Variants in PCDHGA6 observed in about 807,000 individuals in gnomAD.
PCDHGA6 encodes the protein protocadherin gamma subfamily A, 6.
In PCDHGA6, 41 loss-of-function variants were observed where a neutral mutation model predicts 60.6. The ratio of observed to expected loss-of-function variants is 0.68; its 90% confidence interval spans 0.53 to 0.88. The LOEUF (loss-of-function observed/expected upper bound fraction) is 0.88, where lower values mean the gene tolerates loss of function less well. Among genes scored for constraint, PCDHGA6 ranks in the 40% least tolerant of loss-of-function variants. The pLI is 0.00. For synonymous variants in PCDHGA6, 594 were observed against 524.4 expected (o/e 1.13, Z -1.81); for missense variants, 1,312 against 1,203.0 (o/e 1.09, Z -1.34).
At chr5:141,449,467 C>G (rs1356192128) in intron 1 of PCDHGA6, among the ~76,000 whole-genome samples, 1 of 150,842 alleles carries the variant, frequency 6.6e-6, no homozygotes, top group South Asian at 2.1e-4. Flanking sequence ...ATTAGCCAGG[C>G]CTGGTACCCC....
At position 141,399,393 on chromosome 5, in the gene PCDHGA6, C is replaced by G. The variant is rs762678347; in HGVS notation, c.2424+22886C>G. 28 of 1,613,976 alleles carry G rather than the reference C, an allele frequency of 1.7e-5. No homozygotes were observed. In the Middle Eastern group the frequency reaches 2.8e-3, roughly 162 times the overall value. ...ACAATGTCACCATCACAGCCACAGA[C>G]AGGGGCAAGCCGCCCCTCTCCTCCA... On this transcript the variant is annotated intron_variant, in intron 1 of 3. Transcript: ENST00000517434.
rs1362496624 is a variant in PCDHGA6, at chr5:141,432,370, C to T, written c.2424+55863C>T. On this transcript the variant is annotated intron_variant, in intron 1 of 3. Coordinates refer to ENST00000517434, the MANE Select transcript of PCDHGA6 (RefSeq NM_018919.3). This position sits in a 1 kb window ranked among gnomAD's most constrained non-coding sequence, Gnocchi z 6.0. ...AAGTGAAAGTGATGGCGCGGGACAA[C>T]GGGCACCCGCCCCTCAGCAGCAACG... The T allele has an allele frequency of 6.2e-7, 1 of 1,614,240 alleles. No individual in the cohort carries two copies. Among genetic ancestry groups the T allele is most frequent in the Non-Finnish European group, 8.5e-7 (1 of 1,180,048 alleles).
chr5:141,442,796 T>G (rs909745554), intron 1 of PCDHGA6, among the ~76,000 whole-genome samples: 16 of 152,326 alleles, frequency 1.1e-4, no homozygotes, highest in African/African-American at 3.8e-4. Context: ...AATTTTACTT[T>G]GATATTCAAA....
chr5:141,454,796 ATTTTTTTTTTTTTTTTTT>A (rs61612330), intron 1 of PCDHGA6, among the ~76,000 whole-genome samples: 1 of 77,408 alleles, frequency 1.3e-5, no homozygotes, highest in Non-Finnish European at 2.3e-5. Flanking sequence ...CATGGTTCTA[ATTTTTTTTTTTTTTTTTT>A]TTTTTTTTTT....
In PCDHGA6 at chr5:141,493,145, AG is replaced by A. The variant is rs11350413; in HGVS notation, c.2425-1660del. Among the ~76,000 whole-genome samples the A allele has an allele frequency of 0.17, 26,475 of 152,128 alleles. 2,528 individuals carry two copies. The highest frequency in any genetic ancestry group is 0.28 in the Admixed American group (4,206 of 15,272). ...TAGGACTGTATTTTGAAACACCCCC[AG>A]GTGATTTTGATAGCTGATTGAGAGA... is the stretch of plus-strand genomic sequence containing the variant. On this transcript the variant is annotated intron_variant, in intron 1 of 3. Transcript: ENST00000517434. The surrounding 1 kb of genome is among the most constrained non-coding windows in gnomAD (Gnocchi z 4.3).
chr5:141,384,492 A>G, intron 1 of PCDHGA6: 1 of 1,614,164 alleles, frequency 6.2e-7, no homozygotes, highest in South Asian at 1.1e-5. Flanking sequence ...TACAACTAAG[A>G]GTGACTGCAC....
In PCDHGA6 at chr5:141,394,544, G is replaced by A. The variant is rs759661980; in HGVS notation, c.2424+18037G>A. 2.5e-6 allele frequency: 4 copies of A among 1,614,054 alleles called. No individual in the cohort carries two copies. In the South Asian group the frequency reaches 3.3e-5, roughly 13 times the overall value. ...CAGACGGTTCCACTGGCGTGGAGCT[G>A]GCGCCCCGCTCCGCAGAGCGTGGCT... On this transcript the variant is annotated intron_variant, in intron 1 of 3. Coordinates refer to ENST00000517434, the MANE Select transcript of PCDHGA6 (RefSeq NM_018919.3).
chr5:141,399,950 G>A lies in PCDHGA6; in HGVS notation c.2424+23443G>A, dbSNP rs566695854. On this transcript the variant is annotated intron_variant, in intron 1 of 3. Coordinates refer to ENST00000517434, the MANE Select transcript of PCDHGA6 (RefSeq NM_018919.3). ...CTGTCCTACCACGTGCTGCAGGCTA[G>A]CGAGCCCGGGCTCTTCAGCCTGGGG... The A allele has an allele frequency of 4.3e-6, 7 of 1,612,178 alleles. No individual in the cohort carries two copies. The African/African-American group carries it at 6.7e-5, about 15-fold the overall frequency.
At position 141,505,504 on chromosome 5, in the gene PCDHGA6, T is replaced by C. The variant is rs756583857; in HGVS notation, c.2572+23T>C. The C allele has an allele frequency of 9.3e-6, 15 of 1,614,020 alleles. No individual in the cohort carries two copies. The African/African-American group carries it at 1.2e-4, about 13-fold the overall frequency. ...GTGGTAAGTGGTGTCAGTGTGTGTA[T>C]GGAAGAGTGGGAGACCTGGGGTTCT... On this transcript the variant is annotated intron_variant, in intron 3 of 3. Transcript: ENST00000517434.
intron 2 of PCDHGA6, among the ~76,000 whole-genome samples, chr5:141,502,564 C>T (rs2099815067): frequency 1.3e-5 from 2 of 151,774 alleles, no homozygotes; most frequent in East Asian, 1.9e-4. Context: ...CCAGATCTCT[C>T]CATTATAAAA....
chr5:141,442,348 CTG>C (rs1318031659), intron 1 of PCDHGA6: 1 of 152,378 alleles, frequency 6.6e-6, no homozygotes, highest in Non-Finnish European at 1.5e-5. Context: ...TTCTGGGTAA[CTG>C]TAGCTCTATG....
chr5:141,476,271 C>T lies in PCDHGA6; in HGVS notation c.2425-18536C>T. Reference sequence around the variant, plus strand: ...GGTTTCGCTGTGGGCAACGTGGTCGCGAACCTTGGTTTGGATCTCGGTAGC... The same window carrying T: ...GGTTTCGCTGTGGGCAACGTGGTCGTGAACCTTGGTTTGGATCTCGGTAGC... On this transcript the variant is annotated intron_variant, in intron 1 of 3. Coordinates refer to ENST00000517434, the MANE Select transcript of PCDHGA6 (RefSeq NM_018919.3). This position sits in a 1 kb window ranked among gnomAD's most constrained non-coding sequence, Gnocchi z 7.6. 4 of 1,613,892 alleles carry T rather than the reference C, an allele frequency of 2.5e-6. No homozygotes were observed. The highest frequency in any genetic ancestry group is 3.4e-6 in the Non-Finnish European group (4 of 1,179,974).
In PCDHGA6 at chr5:141,476,477, G is replaced by T. The variant is rs768824553; in HGVS notation, c.2425-18330G>T. The T allele has an allele frequency of 1.9e-6, 3 of 1,614,078 alleles. No homozygotes were observed. The highest frequency in any genetic ancestry group is 1.7e-5 in the Admixed American group (1 of 60,016). Reference sequence around the variant, plus strand: ...GGAGAACCCGCTGGAGCTGTTCAGCGTGGAAGTGGTGATCCAGGACATCAA... The same window carrying T: ...GGAGAACCCGCTGGAGCTGTTCAGCTTGGAAGTGGTGATCCAGGACATCAA... On this transcript the variant is annotated intron_variant, in intron 1 of 3. Coordinates refer to ENST00000517434, the MANE Select transcript of PCDHGA6 (RefSeq NM_018919.3). This position sits in a 1 kb window ranked among gnomAD's most constrained non-coding sequence, Gnocchi z 7.6.
chr5:141,457,416 C>T (rs1378171092), intron 1 of PCDHGA6, among the ~76,000 whole-genome samples: 1 of 152,172 alleles, frequency 6.6e-6, no homozygotes, highest in Non-Finnish European at 1.5e-5. Flanking sequence ...ATTACCCATC[C>T]CTTTTTCCCC....
intron 1 of PCDHGA6, among the ~76,000 whole-genome samples, chr5:141,382,039 G>T (rs2150197834): frequency 6.6e-6 from 1 of 151,922 alleles, no homozygotes; most frequent in Non-Finnish European, 1.5e-5. Flanking sequence ...ATGTTGGTCA[G>T]GCTGGTCTCA....
intron 1 of PCDHGA6, chr5:141,409,837 C>T (rs182654621): frequency 2.2e-5 from 36 of 1,611,350 alleles, no homozygotes; most frequent in Non-Finnish European, 2.9e-5. Context: ...TCAGCGCCAA[C>T]GTGAGCCTGC....
intron 3 of PCDHGA6, among the ~76,000 whole-genome samples, chr5:141,506,300 T>G (rs2099852124): frequency 6.6e-6 from 1 of 151,976 alleles, no homozygotes; most frequent in East Asian, 1.9e-4. Flanking sequence ...AATACAAAAA[T>G]TAGCTGGGCA....
Position 141,477,545 on chromosome 5 carries a change from C to T in PCDHGA6, c.2425-17262C>T. The T allele has an allele frequency of 6.2e-7, 1 of 1,614,194 alleles. No individual in the cohort carries two copies. Among genetic ancestry groups the T allele is most frequent in the South Asian group, 1.1e-5 (1 of 91,086 alleles). On this transcript the variant is annotated intron_variant, in intron 1 of 3. Coordinates refer to ENST00000517434, the MANE Select transcript of PCDHGA6 (RefSeq NM_018919.3). The surrounding 1 kb of genome is among the most constrained non-coding windows in gnomAD (Gnocchi z 4.9). ...AAACAACCTCCCCGGGGCTCCAATA[C>T]TAAACCTAAGTGTCTGGGACCCCGA...
chr5:141,418,434 C>T, intron 1 of PCDHGA6: 5 of 1,613,944 alleles, frequency 3.1e-6, no homozygotes, highest in Non-Finnish European at 4.2e-6. Context: ...GGCAAATATC[C>T]AGAATTAGTA....
Sources: gnomAD v4.1 joint callset for allele counts (sites outside exome capture counted in the v4.1 genomes callset) on GRCh38, gnomAD v4.1.1 for gene constraint, Gnocchi (gnomAD v3.1) non-coding constraint, MANE v1.5 for transcripts, NCBI Gene and HGNC (gene_info 2026-07-23, HGNC 2026-07-21) for gene names.